PKHD1: variants seen among roughly 807,000 people sequenced by gnomAD.
PKHD1 encodes the protein PKHD1 ciliary IPT domain containing fibrocystin/polyductin.
PKHD1 carries 291 observed loss-of-function variants against 412.0 expected under a neutral mutation model. The ratio of observed to expected loss-of-function variants is 0.71; its 90% CI spans 0.64 to 0.78. The LOEUF (loss-of-function observed/expected upper bound fraction) is 0.78, where lower values mean the gene tolerates loss of function less well. PKHD1 is among the 30% of genes least tolerant of loss of function. The pLI is 0.00. For missense variants in PKHD1, 4,825 were observed against 4,950.7 expected (o/e 0.97, Z 0.76); for synonymous variants, 1,777 against 1,821.5 (o/e 0.98, Z 0.62).
intron 63 of PKHD1, among the ~76,000 whole-genome samples, chr6:51,643,206 T>C (rs1185350875): frequency 6.6e-6 from 1 of 152,122 alleles, no homozygotes; most frequent in South Asian, 2.1e-4. Context: ...AAACAGGCAG[T>C]TCGAAATGCA....
In PKHD1 at chr6:51,897,412, G is replaced by T. The variant is rs368898922; in HGVS notation, c.6996+6185C>A. The stretch of plus-strand genomic sequence containing the variant: ...CCCAGAATTTCATATCCAGCCAAAC[G>T]AAGCCTCATAAGTGAAGGAGAAATA... On this transcript the variant is annotated intron_variant, in intron 43 of 66. Transcript: ENST00000371117. Among the ~76,000 whole-genome samples the T allele has an allele frequency of 2.1e-3, 319 of 152,158 alleles. 12 individuals carry two copies. The South Asian group carries it at 0.055, about 26-fold the overall frequency.
At chr6:51,670,285 C>T (rs964601818) in intron 60 of PKHD1, among the ~76,000 whole-genome samples, 1 of 152,068 alleles carries the variant, frequency 6.6e-6, no homozygotes, top group African/African-American at 2.4e-5. Flanking sequence ...TGAATTGATC[C>T]GTTTACCATT....
chr6:52,072,417 C>T (rs116704112), intron 7 of PKHD1, among the ~76,000 whole-genome samples: 85 of 152,234 alleles, frequency 5.6e-4, no homozygotes, highest in Non-Finnish European at 1.0e-3. Context: ...GTTCTCCCTT[C>T]CCAAAAAACC....
chr6:51,624,074 A>G (rs1766954743), intron 66 of PKHD1, among the ~76,000 whole-genome samples: 1 of 151,984 alleles, frequency 6.6e-6, no homozygotes, highest in African/African-American at 2.4e-5. Context: ...TTTTTTTAAG[A>G]GACTAGGGTT....
intron 32 of PKHD1, among the ~76,000 whole-genome samples, chr6:52,023,377 T>C (rs1801691469): frequency 6.6e-6 from 1 of 152,192 alleles, no homozygotes; most frequent in African/African-American, 2.4e-5. Flanking sequence ...TCTATCCATA[T>C]TATTCTGGAA....
chr6:51,906,687 G>A (rs960787736), intron 40 of PKHD1, among the ~76,000 whole-genome samples: 2 of 152,130 alleles, frequency 1.3e-5, no homozygotes, highest in African/African-American at 4.8e-5. Context: ...GAGAAGTTAA[G>A]GATAACGTGA....
At chr6:51,729,562 C>T (rs1783001315) in intron 60 of PKHD1, among the ~76,000 whole-genome samples, 1 of 151,898 alleles carries the variant, frequency 6.6e-6, no homozygotes, top group South Asian at 2.1e-4. Context: ...ATTCATTCAA[C>T]AAAAATCTCT....
At chr6:51,693,373 T>C (rs1038205022) in intron 60 of PKHD1, among the ~76,000 whole-genome samples, 1 of 152,234 alleles carries the variant, frequency 6.6e-6, no homozygotes, top group Non-Finnish European at 1.5e-5. Flanking sequence ...AAATGGCTTA[T>C]GTATGCCTTA....
chr6:51,934,099 G>T lies in PKHD1; in HGVS notation c.6121+11C>A. ...TCTACTTCATTTCCTCTGATCAATTGCCTCACTCACCGTGCAGAGAAAGAG... is the reference window on the plus strand; with the variant it reads ...TCTACTTCATTTCCTCTGATCAATTTCCTCACTCACCGTGCAGAGAAAGAG... On this transcript the variant is annotated intron_variant, in intron 37 of 66. Transcript: ENST00000371117. The T allele has an allele frequency of 1.3e-6, 2 of 1,583,196 alleles. No homozygotes were observed. The highest frequency in any genetic ancestry group is 1.7e-6 in the Non-Finnish European group (2 of 1,151,864).
rs10534219 is a variant in PKHD1 at position 51,758,014 on chromosome 6, AAGAGAGAGAG to A, written c.8643-3086_8643-3077del. Among the ~76,000 whole-genome samples the A allele has an allele frequency of 4.3e-3, 542 of 125,970 alleles. 2 individuals carry two copies. Among genetic ancestry groups the A allele is most frequent in the Admixed American group, 4.8e-3 (61 of 12,606 alleles). The allele number at this position is 125,970 out of a possible 152,430, so 82.6% of individuals were successfully genotyped here. On this transcript the variant is annotated intron_variant, in intron 55 of 66. Coordinates refer to ENST00000371117, the MANE Select transcript of PKHD1 (RefSeq NM_138694.4). ...GGGCAACAGAATGAGACCCTGCCAA[AAGAGAGAGAG>A]AGAGAGAGAGAGAGAGAGAGAGAGA...
chr6:51,704,868 G>A (rs1327026577), intron 60 of PKHD1, among the ~76,000 whole-genome samples: 1 of 152,004 alleles, frequency 6.6e-6, no homozygotes, highest in South Asian at 2.1e-4. Context: ...AGATCAGGAG[G>A]AGAAAAATTA....
intron 48 of PKHD1, among the ~76,000 whole-genome samples, chr6:51,866,578 T>C (rs1467747645): frequency 6.6e-6 from 1 of 152,134 alleles, no homozygotes; most frequent in Non-Finnish European, 1.5e-5. Context: ...AGAGACAGCC[T>C]ACCAGTAGAT....
intron 54 of PKHD1, among the ~76,000 whole-genome samples, chr6:51,774,874 C>A (rs541573518): frequency 4.0e-5 from 6 of 151,662 alleles, no homozygotes; most frequent in Admixed American, 6.6e-5. Flanking sequence ...AAATTAACAA[C>A]CAATTTTCTT....
chr6:51,920,942 T>C (rs1784593878), intron 37 of PKHD1, among the ~76,000 whole-genome samples: 2 of 152,240 alleles, frequency 1.3e-5, no homozygotes, highest in Admixed American at 6.5e-5. Context: ...GATGGTTGTT[T>C]ATATTTCTGT....
At chr6:51,644,685 A>ATTTTGTTTTGTTTTG (rs369655135) in intron 63 of PKHD1, among the ~76,000 whole-genome samples, 2,644 of 151,980 alleles carry the variant, frequency 0.017, 35 homozygotes, top group Non-Finnish European at 0.027. Context: ...GGATAAGCTG[A>ATTTTGTTTTGTTTTG]TTTTGTTTTG....
chr6:51,894,116 A>G (rs1779525722), intron 43 of PKHD1, among the ~76,000 whole-genome samples: 1 of 152,238 alleles, frequency 6.6e-6, no homozygotes, highest in African/African-American at 2.4e-5. Flanking sequence ...GCCTCTTGAC[A>G]GATAACAAGG....
rs1022238797 is a variant in PKHD1 at position 51,616,095 on chromosome 6, T to C, written c.*2986A>G. On this transcript the variant is annotated 3_prime_UTR_variant, in exon 67 of 67. Transcript: ENST00000371117. ...AAATAAAAATTGTATATATTTATCA[T>C]GTACAACTCGATAGTTTGAAATATG... 6.6e-6 allele frequency: 1 copy of C among 152,230 alleles called. No homozygotes were observed. The highest frequency in any genetic ancestry group is 2.4e-5 in the African/African-American group (1 of 41,446). The allele number at this position is 152,230 out of a possible 1,614,324, so 9.4% of individuals were successfully genotyped here.
At chr6:51,715,095 C>T (rs974484830) in intron 60 of PKHD1, among the ~76,000 whole-genome samples, 7 of 152,212 alleles carry the variant, frequency 4.6e-5, no homozygotes, top group Non-Finnish European at 7.4e-5. Flanking sequence ...AACCCCATGA[C>T]GGAACACAGA....
chr6:51,717,863 T>C (rs529220884), intron 60 of PKHD1, among the ~76,000 whole-genome samples: 2 of 152,322 alleles, frequency 1.3e-5, no homozygotes, highest in African/African-American at 2.4e-5. Flanking sequence ...TTCAAAAAGA[T>C]GGATCTCTTA....
Sources: gnomAD v4.1 joint callset for allele counts (sites outside exome capture counted in the v4.1 genomes callset) on GRCh38, gnomAD v4.1.1 for gene constraint, MANE v1.5 for transcripts, NCBI Gene and HGNC (gene_info 2026-07-23, HGNC 2026-07-21) for gene names.